METTL16: variants seen among roughly 807,000 people sequenced by gnomAD.
METTL16 encodes RNA N(6)-adenosine-methyltransferase METTL16.
In METTL16, 19 loss-of-function variants were observed where a neutral mutation model predicts 57.9. That is an observed-to-expected ratio of 0.33 (90% CI 0.23 to 0.48). METTL16 has a LOEUF of 0.48. METTL16 is among the 20% of genes least tolerant of loss of function. The pLI is 0.99. For synonymous variants in METTL16, 246 were observed against 255.6 expected (o/e 0.96, Z 0.36); for missense variants, 434 against 691.5 (o/e 0.63, Z 4.18).
chr17:2,449,741 A>C (rs1253739355), intron 6 of METTL16, among the ~76,000 whole-genome samples: 1 of 152,226 alleles, frequency 6.6e-6, no homozygotes, highest in Non-Finnish European at 1.5e-5. Context: ...ATTTATAGAA[A>C]TGGAAAGGCA....
intron 2 of METTL16, among the ~76,000 whole-genome samples, chr17:2,490,997 T>C (rs915679051): frequency 6.6e-6 from 1 of 152,214 alleles, no homozygotes; most frequent in Non-Finnish European, 1.5e-5. Context: ...TTAGACTTTG[T>C]TGTTTATTTT....
intron 2 of METTL16, among the ~76,000 whole-genome samples, chr17:2,485,854 T>C (rs2067337359): frequency 6.6e-6 from 1 of 152,088 alleles, no homozygotes; most frequent in Non-Finnish European, 1.5e-5. Context: ...ACAGATGCTA[T>C]AAAAGACAGG....
chr17:2,430,257 C>T (rs1023932135), intron 8 of METTL16, among the ~76,000 whole-genome samples: 14 of 151,808 alleles, frequency 9.2e-5, no homozygotes, highest in Admixed American at 2.6e-4. Context: ...GGACTTCAGG[C>T]GCATACCACC....
intron 6 of METTL16, among the ~76,000 whole-genome samples, chr17:2,445,913 CA>C: frequency 6.6e-6 from 1 of 151,356 alleles, no homozygotes. Context: ...ACATTATAAC[CA>C]AGGGGCATTT....
intron 8 of METTL16, among the ~76,000 whole-genome samples, chr17:2,421,864 C>CT (rs1230330802): frequency 3.9e-5 from 6 of 152,118 alleles, no homozygotes; most frequent in African/African-American, 1.4e-4. Flanking sequence ...TAAGCACTGC[C>CT]TTTTAGCTGG....
intron 8 of METTL16, among the ~76,000 whole-genome samples, chr17:2,433,450 C>T (rs1435178711): frequency 3.3e-5 from 5 of 152,058 alleles, no homozygotes; most frequent in Non-Finnish European, 5.9e-5. Context: ...TCCAGTCACT[C>T]GCAGATGAGA....
chr17:2,420,965 C>T lies in METTL16; in HGVS notation c.889-61G>A. The T allele has an allele frequency of 1.3e-6, 2 of 1,559,090 alleles. No homozygotes were observed. The highest frequency in any genetic ancestry group is 1.7e-6 in the Non-Finnish European group (2 of 1,145,628). On this transcript the variant is annotated intron_variant, in intron 8 of 9. Coordinates refer to ENST00000263092, the MANE Select transcript of METTL16 (RefSeq NM_024086.4). The surrounding 1 kb of genome is among the most constrained non-coding windows in gnomAD (Gnocchi z 5.4). Reference sequence around the variant, plus strand: ...GTTATCCGAATAATTAAACCTCATGCATTGTAATGAACTCAGAGAAAATTT... The same window carrying T: ...GTTATCCGAATAATTAAACCTCATGTATTGTAATGAACTCAGAGAAAATTT...
At chr17:2,483,895 C>A (rs1188824189) in intron 2 of METTL16, among the ~76,000 whole-genome samples, 3 of 152,184 alleles carry the variant, frequency 2.0e-5, no homozygotes, top group African/African-American at 7.2e-5. Flanking sequence ...CGAAGAAGTT[C>A]ACATCTAAGT....
rs145175966 is a variant in METTL16 at position 2,453,363 on chromosome 17, G to A, written c.728+10845C>T. ...CTTTAGCCTCCTTCAATCTGGAATAGTTCCTCAGTCTTCTTTTACTCTCAT... is the reference window on the plus strand; with the variant it reads ...CTTTAGCCTCCTTCAATCTGGAATAATTCCTCAGTCTTCTTTTACTCTCAT... On this transcript the variant is annotated intron_variant, in intron 6 of 9. Transcript: ENST00000263092. Among the ~76,000 whole-genome samples, 9 of 152,266 alleles carry A rather than the reference G, an allele frequency of 5.9e-5. 1 individual carries two copies. The highest frequency in any genetic ancestry group is 2.2e-4 in the African/African-American group (9 of 41,564).
At chr17:2,486,517 C>T (rs1246133899) in intron 2 of METTL16, among the ~76,000 whole-genome samples, 1 of 151,972 alleles carries the variant, frequency 6.6e-6, no homozygotes, top group Non-Finnish European at 1.5e-5. Context: ...ATGATCTGCC[C>T]GCCTCGACCT....
At chr17:2,482,694 C>G (rs1324318783) in intron 2 of METTL16, among the ~76,000 whole-genome samples, 1 of 152,174 alleles carries the variant, frequency 6.6e-6, no homozygotes, top group East Asian at 1.9e-4. Context: ...ACTGCTTGAG[C>G]TCAGGAGCTT....
intron 2 of METTL16, among the ~76,000 whole-genome samples, chr17:2,486,837 T>C (rs1477630674): frequency 6.7e-6 from 1 of 150,048 alleles, no homozygotes; most frequent in Non-Finnish European, 1.5e-5. Flanking sequence ...GTCAGTGTGG[T>C]GGTGTGGTGG....
At chr17:2,464,440 T>C (rs1381886545) in intron 5 of METTL16, 90 bp from the exon 6 acceptor site, 4 of 1,278,594 alleles carry the variant, frequency 3.1e-6, no homozygotes, top group African/African-American at 1.5e-5. Flanking sequence ...GAATGTTTAG[T>C]TGCAATTTTT....
At chr17:2,495,077 T>C (rs1435634022) in intron 2 of METTL16, among the ~76,000 whole-genome samples, 5 of 150,936 alleles carry the variant, frequency 3.3e-5, no homozygotes, top group Non-Finnish European at 7.4e-5. Flanking sequence ...TGGCCAGGCA[T>C]GGTGGCTCAT....
intron 8 of METTL16, among the ~76,000 whole-genome samples, chr17:2,431,746 C>T (rs932209358): frequency 1.3e-5 from 2 of 151,928 alleles, no homozygotes; most frequent in African/African-American, 4.8e-5. Context: ...AAATAAAATG[C>T]CTGTGAATTG....
intron 8 of METTL16, among the ~76,000 whole-genome samples, chr17:2,434,752 T>C (rs999048487): frequency 6.6e-6 from 1 of 152,118 alleles, no homozygotes; most frequent in African/African-American, 2.4e-5. Flanking sequence ...GCCTAATTAA[T>C]TTGACACCTC....
intron 2 of METTL16, among the ~76,000 whole-genome samples, chr17:2,499,964 G>C (rs898783119): frequency 3.3e-5 from 5 of 152,062 alleles, no homozygotes; most frequent in African/African-American, 1.2e-4. Flanking sequence ...TTGTTGGCCA[G>C]GCTGGTCTTG....
chr17:2,508,117 G>A, intron 1 of METTL16, among the ~76,000 whole-genome samples: 2 of 66,824 alleles, frequency 3.0e-5, no homozygotes, highest in Non-Finnish European at 7.1e-5. Flanking sequence ...ACCCAAGAAT[G>A]ATCAATAAAA....
rs1261884330 is a variant in METTL16 at position 2,464,246 on chromosome 17, C to T, written c.690G>A (p.Arg230=). Residue 230 remains arginine, a synonymous_variant, in exon 6 of 10, where the codon AGG becomes AGA. Coordinates refer to ENST00000263092, the MANE Select transcript of METTL16 (RefSeq NM_024086.4). ...AEGGELEFVK[R]IIHDSLQLKK... Reference sequence around the variant, plus strand: ...TAAGTTGTAGACTGTCATGGATGATCCTTTTAACAAACTCTAATTCACCTC... The same window carrying T: ...TAAGTTGTAGACTGTCATGGATGATTCTTTTAACAAACTCTAATTCACCTC... The T allele has an allele frequency of 2.5e-6, 4 of 1,613,858 alleles. No homozygotes were observed. The South Asian group carries it at 3.3e-5, about 13-fold the overall frequency.
Sources: gnomAD v4.1 joint callset for allele counts (sites outside exome capture counted in the v4.1 genomes callset) on GRCh38, gnomAD v4.1.1 for gene constraint, Gnocchi (gnomAD v3.1) non-coding constraint, MANE v1.5 for transcripts, NCBI Gene and HGNC (gene_info 2026-07-23, HGNC 2026-07-21) for gene names.